Variants in SAXO1 observed in about 807,000 individuals in gnomAD.
SAXO1 encodes stabilizer of axonemal microtubules 1, also known as 4930500O09Rik.
In SAXO1, 21 loss-of-function variants were observed where a neutral mutation model predicts 17.5. The ratio of observed to expected loss-of-function variants is 1.20; its 90% CI spans 0.85 to 1.72. SAXO1 has a LOEUF of 1.72. Ranked by LOEUF, SAXO1 falls within the 40% of genes most tolerant of loss-of-function variation. SAXO1 has a pLI of 0.00. For synonymous variants in SAXO1, 274 were observed against 216.5 expected (o/e 1.27, Z -2.33); for missense variants, 843 against 596.0 (o/e 1.41, Z -4.32).
At chr9:18,993,510 A>G (rs1833893530) in intron 1 of SAXO1, among the ~76,000 whole-genome samples, 1 of 152,200 alleles carries the variant, frequency 6.6e-6, no homozygotes, top group South Asian at 2.1e-4. Context: ...GAGAAGGTGC[A>G]GACATGTCCC....
At chr9:19,043,031 G>A (rs1836114577) in intron 1 of SAXO1, among the ~76,000 whole-genome samples, 1 of 152,064 alleles carries the variant, frequency 6.6e-6, no homozygotes, top group Non-Finnish European at 1.5e-5. Flanking sequence ...AATTAGTCAG[G>A]CATGGTGGTA....
intron 1 of SAXO1, among the ~76,000 whole-genome samples, chr9:19,001,519 T>A (rs2130958973): frequency 6.6e-6 from 1 of 151,810 alleles, no homozygotes; most frequent in Middle Eastern, 3.4e-3. Flanking sequence ...CACAAAAAAT[T>A]AGCCAGGTGT....
intron 1 of SAXO1, among the ~76,000 whole-genome samples, chr9:18,989,848 G>A (rs964279340): frequency 1.3e-5 from 2 of 152,184 alleles, no homozygotes; most frequent in African/African-American, 2.4e-5. Flanking sequence ...TCAACATCAT[G>A]AGTGAAGTGG....
At chr9:19,031,101 T>G (rs146312978) in intron 1 of SAXO1, among the ~76,000 whole-genome samples, 1 of 152,348 alleles carries the variant, frequency 6.6e-6, no homozygotes, top group Non-Finnish European at 1.5e-5. Flanking sequence ...ATAACCCTAC[T>G]GCAGGGGCAG....
intron 1 of SAXO1, among the ~76,000 whole-genome samples, chr9:19,047,080 G>C (rs1424553332): frequency 6.6e-6 from 1 of 152,156 alleles, no homozygotes; most frequent in African/African-American, 2.4e-5. Context: ...CCAGCTACTC[G>C]GGAGGCTGAG....
At chr9:18,958,123 G>T (rs1297254307) in intron 1 of SAXO1, among the ~76,000 whole-genome samples, 3 of 152,026 alleles carry the variant, frequency 2.0e-5, no homozygotes, top group South Asian at 2.1e-4. Context: ...AAATGATCAG[G>T]GATCATAAAC....
chr9:19,016,825 A>C (rs1435749846), intron 1 of SAXO1, among the ~76,000 whole-genome samples: 1 of 110,716 alleles, frequency 9.0e-6, no homozygotes, highest in Non-Finnish European at 1.8e-5. Flanking sequence ...TTTTTTAGCT[A>C]CCTAACATTT....
intron 1 of SAXO1, among the ~76,000 whole-genome samples, chr9:19,014,836 C>T (rs1199827834): frequency 6.6e-6 from 1 of 152,172 alleles, no homozygotes; most frequent in Non-Finnish European, 1.5e-5. Flanking sequence ...GCCAGTGCTG[C>T]TGAGGGTCAG....
intron 1 of SAXO1, among the ~76,000 whole-genome samples, chr9:18,998,575 G>T (rs1339554767): frequency 6.6e-6 from 1 of 152,112 alleles, no homozygotes; most frequent in Non-Finnish European, 1.5e-5. Context: ...TCCCAACCTA[G>T]CAAGACAGGC....
At chr9:19,032,506 T>A (rs1213016345) in intron 1 of SAXO1, among the ~76,000 whole-genome samples, 1 of 152,238 alleles carries the variant, frequency 6.6e-6, no homozygotes, top group East Asian at 1.9e-4. Flanking sequence ...GGAATTCTCC[T>A]CCCATCCTAT....
At chr9:19,035,919 A>G (rs990893379), upstream of SAXO1, among the ~76,000 whole-genome samples, 109 of 152,324 alleles carry the variant, frequency 7.2e-4, no homozygotes, top group African/African-American at 2.5e-3. Context: ...CAGTTTTATA[A>G]GGGAAGCAGA....
At chr9:19,013,692 G>A (rs754086736) in intron 1 of SAXO1, among the ~76,000 whole-genome samples, 2 of 151,832 alleles carry the variant, frequency 1.3e-5, no homozygotes, top group Admixed American at 6.6e-5. Flanking sequence ...AATTACAGGC[G>A]TGCATCACCA....
At chr9:19,047,907 G>C (rs1013479805) in intron 1 of SAXO1, among the ~76,000 whole-genome samples, 3 of 152,162 alleles carry the variant, frequency 2.0e-5, no homozygotes, top group African/African-American at 7.2e-5. Flanking sequence ...ACGGGGAAGG[G>C]AAACCCCAGA....
intron 1 of SAXO1, among the ~76,000 whole-genome samples, chr9:18,993,177 C>G (rs951125527): frequency 1.3e-5 from 2 of 151,660 alleles, no homozygotes; most frequent in Non-Finnish European, 2.9e-5. Flanking sequence ...TAGGTATACA[C>G]GTGTCATGGT....
In SAXO1 at chr9:18,946,279, CAAAAAAAAAAAAA is replaced by C. The variant is rs56858815; in HGVS notation, c.219-4453_219-4441del. On this transcript the variant is annotated intron_variant, in intron 2 of 3. Transcript: ENST00000380534. ...CAACAAGAGCAAAACTTCATCTCAC[CAAAAAAAAAAAAA>C]AAAAAAAAAAAAAGAGGACCAAGTT... Among the ~76,000 whole-genome samples, 10 of 34,480 alleles carry C rather than the reference CAAAAAAAAAAAAA, an allele frequency of 2.9e-4. No homozygotes were observed. The South Asian group carries it at 5.1e-3, about 18-fold the overall frequency. 22.6% of individuals were successfully genotyped at this position (34,480 alleles called of 152,430 possible).
intron 1 of SAXO1, among the ~76,000 whole-genome samples, chr9:18,995,445 C>T (rs923343178): frequency 6.6e-6 from 1 of 152,192 alleles, no homozygotes; most frequent in East Asian, 1.9e-4. Flanking sequence ...GTCACCTAGG[C>T]TTACTGTCTG....
At chr9:19,020,811 T>C (rs1442119622) in intron 1 of SAXO1, among the ~76,000 whole-genome samples, 5 of 152,230 alleles carry the variant, frequency 3.3e-5, no homozygotes, top group Non-Finnish European at 7.4e-5. Context: ...AATAGAGTTC[T>C]AGGGCATGGG....
intron 3 of SAXO1, among the ~76,000 whole-genome samples, chr9:18,929,983 T>C (rs1830967964): frequency 6.6e-6 from 1 of 152,216 alleles, no homozygotes; most frequent in African/African-American, 2.4e-5. Context: ...TATGATTCTC[T>C]CCATTCTACA....
chr9:18,954,703 T>C (rs1019122149), intron 1 of SAXO1, among the ~76,000 whole-genome samples: 5 of 152,066 alleles, frequency 3.3e-5, no homozygotes, highest in Admixed American at 3.3e-4. Context: ...CTCCATTATG[T>C]TATGTAGATG....
Sources: allele counts gnomAD v4.1 joint callset (sites outside exome capture counted in the v4.1 genomes callset), GRCh38; gene constraint gnomAD v4.1.1; transcripts MANE v1.5; gene names NCBI Gene and HGNC (gene_info 2026-07-23, HGNC 2026-07-21).